Variants in CNTN5 observed in about 807,000 individuals in gnomAD.
The protein encoded by CNTN5 is contactin 5.
In CNTN5, 77 loss-of-function variants were observed where a neutral mutation model predicts 129.1. The observed-to-expected ratio is 0.60, with a 90% CI of 0.50 to 0.72. CNTN5 has a LOEUF of 0.72. CNTN5 is among the 30% of genes least tolerant of loss of function. The pLI, the probability that CNTN5 is intolerant of heterozygous loss-of-function variation, is 0.00. For missense variants in CNTN5, 1,478 were observed against 1,328.8 expected, an observed-to-expected ratio of 1.11 and a Z score of -1.75; for synonymous variants, 509 against 465.6, an observed-to-expected ratio of 1.09 and a Z score of -1.20.
chr11:99,194,672 C>T (rs557894931), intron 1 of CNTN5, among the ~76,000 whole-genome samples: 1 of 152,168 alleles, frequency 6.6e-6, no homozygotes, highest in South Asian at 2.1e-4. Context: ...GTGGCCCGAT[C>T]TCGGCTCACT....
At chr11:99,911,838 C>T (rs75109808) in intron 6 of CNTN5, among the ~76,000 whole-genome samples, 3,014 of 151,828 alleles carry the variant, frequency 0.02, 45 homozygotes, top group Non-Finnish European at 0.032. Context: ...TGAAGTCTTT[C>T]AGGAGAAATC....
intron 1 of CNTN5, among the ~76,000 whole-genome samples, chr11:99,052,750 G>A (rs1864477719): frequency 6.6e-6 from 1 of 151,862 alleles, no homozygotes; most frequent in African/African-American, 2.4e-5. Context: ...ATGAAGAGTG[G>A]AAAGTATTGA....
chr11:99,273,847 A>G (rs1319945990), intron 1 of CNTN5, among the ~76,000 whole-genome samples: 1 of 151,648 alleles, frequency 6.6e-6, no homozygotes, highest in African/African-American at 2.4e-5. Context: ...AAGATATAAA[A>G]ATATTTTCTG....
At chr11:99,802,079 C>T (rs1356121825) in intron 3 of CNTN5, among the ~76,000 whole-genome samples, 1 of 152,138 alleles carries the variant, frequency 6.6e-6, no homozygotes, top group East Asian at 1.9e-4. Context: ...TTTTAATTTT[C>T]CTTTTCTTGT....
chr11:100,020,867 G>A (rs547894528), intron 9 of CNTN5, among the ~76,000 whole-genome samples: 3 of 152,042 alleles, frequency 2.0e-5, no homozygotes, highest in African/African-American at 7.2e-5. Flanking sequence ...TAACCATGGA[G>A]GTTAAAGGTT....
chr11:100,274,688 C>G (rs1300315699), intron 18 of CNTN5, among the ~76,000 whole-genome samples: 1 of 152,112 alleles, frequency 6.6e-6, no homozygotes, highest in Non-Finnish European at 1.5e-5. Flanking sequence ...AAATGAGATA[C>G]CATCTCATGC....
chr11:100,136,055 C>T (rs1946514086), intron 13 of CNTN5, among the ~76,000 whole-genome samples: 3 of 152,098 alleles, frequency 2.0e-5, no homozygotes, highest in South Asian at 4.1e-4. Context: ...ATCTATAAAT[C>T]ATACAGTATT....
At chr11:99,308,056 T>C (rs749909225) in intron 1 of CNTN5, among the ~76,000 whole-genome samples, 25 of 152,198 alleles carry the variant, frequency 1.6e-4, no homozygotes, top group Non-Finnish European at 2.9e-4. Context: ...TTAAAATGCA[T>C]CAAACTCTTC....
intron 2 of CNTN5, among the ~76,000 whole-genome samples, chr11:99,514,290 A>C (rs1467996666): frequency 6.6e-6 from 1 of 152,078 alleles, no homozygotes; most frequent in Non-Finnish European, 1.5e-5. Flanking sequence ...GATGGAAACT[A>C]CTCCTGATAA....
chr11:99,748,283 T>A lies in CNTN5; in HGVS notation c.56-71261T>A, dbSNP rs760601016. 3.9e-5 allele frequency among the ~76,000 whole-genome samples: 6 copies of A among 152,138 alleles called. No individual in the cohort carries two copies. The East Asian group carries it at 9.6e-4, about 24-fold the overall frequency. ...GGGAGAGTTTGAGAAATATTGGGAT[T>A]AATTATTCATTAATTCAAATGTTGG... On this transcript the variant is annotated intron_variant, in intron 3 of 24. Coordinates refer to ENST00000524871, the MANE Select transcript of CNTN5 (RefSeq NM_014361.4).
intron 1 of CNTN5, among the ~76,000 whole-genome samples, chr11:99,051,625 G>A (rs1864431302): frequency 6.6e-6 from 1 of 151,848 alleles, no homozygotes; most frequent in Non-Finnish European, 1.5e-5. Context: ...GTATTGTAAG[G>A]AAACCATTAC....
chr11:100,160,995 T>G (rs970604179), intron 13 of CNTN5, among the ~76,000 whole-genome samples: 1 of 151,748 alleles, frequency 6.6e-6, no homozygotes, highest in Non-Finnish European at 1.5e-5. Context: ...TTCTTAAGAG[T>G]TTTCAGAATA....
intron 1 of CNTN5, among the ~76,000 whole-genome samples, chr11:99,090,721 G>GA (rs934808247): frequency 0.15 from 13,658 of 93,990 alleles, 986 homozygotes; most frequent in East Asian, 0.42. Flanking sequence ...GTGCTCACCA[G>GA]AAAAAAAAAA....
chr11:99,742,294 A>G (rs1026590319), intron 3 of CNTN5, among the ~76,000 whole-genome samples: 43 of 152,172 alleles, frequency 2.8e-4, no homozygotes, highest in African/African-American at 9.7e-4. Context: ...TATCATGTAG[A>G]AAGATTGGCA....
chr11:99,901,568 C>G (rs1176083717), intron 6 of CNTN5, among the ~76,000 whole-genome samples: 1 of 152,142 alleles, frequency 6.6e-6, no homozygotes, highest in African/African-American at 2.4e-5. Flanking sequence ...GCTGTGATTA[C>G]AGGCACGAGC....
chr11:99,574,360 A>G (rs1949277644), intron 3 of CNTN5, among the ~76,000 whole-genome samples: 1 of 152,210 alleles, frequency 6.6e-6, no homozygotes, highest in African/African-American at 2.4e-5. Flanking sequence ...TAGTGCTGCA[A>G]TAAACATATG....
At chr11:99,366,799 C>T (rs896706193) in intron 2 of CNTN5, among the ~76,000 whole-genome samples, 2 of 152,106 alleles carry the variant, frequency 1.3e-5, no homozygotes, top group African/African-American at 4.8e-5. Flanking sequence ...AATATCTCGC[C>T]AGAGGAGTAA....
intron 1 of CNTN5, among the ~76,000 whole-genome samples, chr11:99,314,321 A>G (rs1865243405): frequency 6.6e-6 from 1 of 152,120 alleles, no homozygotes; most frequent in Non-Finnish European, 1.5e-5. Flanking sequence ...ACAACTATAC[A>G]GATGCAGTTT....
rs147698785 is a variant in CNTN5 at position 100,337,132 on chromosome 11, A to G, written c.2731-3331A>G. ...GACTTCAACCAACATTGTTTACAAA[A>G]TAGATGACATGACAGCTGCACCCAT... On this transcript the variant is annotated intron_variant, in intron 21 of 24. Coordinates refer to ENST00000524871, the MANE Select transcript of CNTN5 (RefSeq NM_014361.4). The G allele has an allele frequency of 2.5e-4, 360 of 1,412,848 alleles. 3 individuals carry two copies. In the East Asian group the frequency reaches 7.2e-3, roughly 28 times the overall value. 87.5% of individuals were successfully genotyped at this position (1,412,848 alleles called of 1,614,324 possible). A position where few individuals can be genotyped will look rare whatever the true frequency, so the allele number is the denominator to read the frequency against.
Sources: gnomAD v4.1 joint callset for allele counts (sites outside exome capture counted in the v4.1 genomes callset) on GRCh38, gnomAD v4.1.1 for gene constraint, MANE v1.5 for transcripts, NCBI Gene and HGNC (gene_info 2026-07-23, HGNC 2026-07-21) for gene names.